The following KLHL1 variants were observed in gnomAD, a reference collection of about 807,000 sequenced individuals.
The protein encoded by KLHL1 is kelch like family member 1.
A neutral mutation model predicts 77.7 loss-of-function variants in KLHL1; 47 were observed. That is an observed-to-expected ratio of 0.60 (90% CI 0.48 to 0.77). KLHL1 has a LOEUF of 0.77. KLHL1 is among the 30% of genes least tolerant of loss of function. The pLI, the probability that KLHL1 is intolerant of heterozygous loss-of-function variation, is 0.00. For missense variants in KLHL1, 925 were observed against 910.8 expected, an observed-to-expected ratio of 1.02 and a Z score of -0.20; for synonymous variants, 360 against 325.2, an observed-to-expected ratio of 1.11 and a Z score of -1.15.
chr13:69,742,170 C>T (rs1372126607), intron 7 of KLHL1, among the ~76,000 whole-genome samples: 3 of 152,052 alleles, frequency 2.0e-5, no homozygotes, highest in Admixed American at 2.0e-4. Context: ...CCTGTACATG[C>T]AGTAGATTGT....
chr13:69,742,463 T>A (rs994200776), intron 7 of KLHL1, among the ~76,000 whole-genome samples: 1 of 152,198 alleles, frequency 6.6e-6, no homozygotes, highest in Non-Finnish European at 1.5e-5. Flanking sequence ...ACTCATTTAT[T>A]CATTCATTCA....
At chr13:69,870,523 T>C (rs1235175080) in intron 5 of KLHL1, among the ~76,000 whole-genome samples, 1 of 151,950 alleles carries the variant, frequency 6.6e-6, no homozygotes, top group African/African-American at 2.4e-5. Flanking sequence ...CAAAATATCA[T>C]CATGCCACCC....
At chr13:69,847,762 T>C (rs1213483723) in intron 5 of KLHL1, among the ~76,000 whole-genome samples, 4 of 151,476 alleles carry the variant, frequency 2.6e-5, no homozygotes, top group Admixed American at 1.3e-4. Flanking sequence ...AGAATTTGAA[T>C]CTATAAAACA....
chr13:69,959,037 T>C (rs1053493905), intron 3 of KLHL1, among the ~76,000 whole-genome samples: 11 of 152,048 alleles, frequency 7.2e-5, no homozygotes, highest in Non-Finnish European at 1.3e-4. Flanking sequence ...GATAAATATT[T>C]TCCTCATCTA....
chr13:69,994,430 T>A (rs1471840095), intron 1 of KLHL1, among the ~76,000 whole-genome samples: 2 of 152,112 alleles, frequency 1.3e-5, no homozygotes, highest in Non-Finnish European at 2.9e-5. Flanking sequence ...ACCAGGATTT[T>A]ACCAGGAGCA....
intron 4 of KLHL1, among the ~76,000 whole-genome samples, chr13:69,928,801 C>T (rs564322948): frequency 3.9e-5 from 6 of 152,002 alleles, no homozygotes; most frequent in East Asian, 1.9e-4. Context: ...GGTATCTTGG[C>T]GAGGTGATTG....
intron 1 of KLHL1, among the ~76,000 whole-genome samples, chr13:70,010,609 AG>A (rs2137337337): frequency 6.6e-6 from 1 of 152,176 alleles, no homozygotes; most frequent in Non-Finnish European, 1.5e-5. Context: ...ACAAGAGTTC[AG>A]GCTGGGTGTG....
rs1286313658 is a variant in KLHL1 at position 69,749,693 on chromosome 13, G to A, written c.1640-9137C>T. Among the ~76,000 whole-genome samples, 4 of 152,028 alleles carry A rather than the reference G, an allele frequency of 2.6e-5. No individual in the cohort carries two copies. In the East Asian group the frequency reaches 7.7e-4, roughly 29 times the overall value. On this transcript the variant is annotated intron_variant, in intron 7 of 10. Transcript: ENST00000377844. Reference sequence around the variant, plus strand: ...CTTCGAATATGGAGAAGGAATTGAAGAAGATAATCTGTCTATACAGATCAT... The same window carrying A: ...CTTCGAATATGGAGAAGGAATTGAAAAAGATAATCTGTCTATACAGATCAT...
intron 5 of KLHL1, among the ~76,000 whole-genome samples, chr13:69,850,116 G>A (rs1439494533): frequency 6.6e-6 from 1 of 151,354 alleles, no homozygotes; most frequent in East Asian, 2.0e-4. Flanking sequence ...ATCACTGCAA[G>A]GTGATTTGAC....
intron 1 of KLHL1, among the ~76,000 whole-genome samples, chr13:70,008,703 A>G (rs947739725): frequency 1.3e-5 from 2 of 152,078 alleles, no homozygotes; most frequent in African/African-American, 4.8e-5. Context: ...ACAATTGATC[A>G]TTTATATTTT....
intron 9 of KLHL1, among the ~76,000 whole-genome samples, chr13:69,716,863 C>T (rs1477114809): frequency 6.6e-6 from 1 of 152,032 alleles, no homozygotes; most frequent in Non-Finnish European, 1.5e-5. Flanking sequence ...TGTTCTTTGC[C>T]GAATAGATGA....
chr13:70,046,229 A>C (rs1044714208), intron 1 of KLHL1, among the ~76,000 whole-genome samples: 5 of 152,176 alleles, frequency 3.3e-5, no homozygotes, highest in African/African-American at 1.2e-4. Flanking sequence ...GAAAAAAAAA[A>C]ATGTCATAAA....
At chr13:70,004,476 A>G (rs1487865340) in intron 1 of KLHL1, among the ~76,000 whole-genome samples, 1 of 151,570 alleles carries the variant, frequency 6.6e-6, no homozygotes. Context: ...AGCAATTGCA[A>G]TCTAATTGGA....
chr13:69,709,425 C>T (rs1482683074), intron 9 of KLHL1, among the ~76,000 whole-genome samples: 1 of 151,816 alleles, frequency 6.6e-6, no homozygotes, highest in Admixed American at 6.6e-5. Context: ...TAACCAATAG[C>T]AAAAGATAAA....
At chr13:69,975,507 AAAAAAAT>A in intron 2 of KLHL1, 106 bp downstream of exon 2, 2 of 375,142 alleles carry the variant, frequency 5.3e-6, no homozygotes, top group African/African-American at 3.9e-5. Context: ...CAAAAAACTT[AAAAAAAT>A]GTGAATCCTT....
chr13:69,727,486 T>C (rs566543878), intron 8 of KLHL1, among the ~76,000 whole-genome samples: 3 of 152,102 alleles, frequency 2.0e-5, no homozygotes, highest in Admixed American at 6.6e-5. Flanking sequence ...GTGTGGACAA[T>C]CTAGGTAGGT....
chr13:70,108,132 C>T lies in KLHL1; in HGVS notation c.-433G>A, dbSNP rs1888123326. 2.5e-6 allele frequency: 1 copy of T among 404,040 alleles called. No homozygotes were observed. The highest frequency in any genetic ancestry group is 4.4e-6 in the Non-Finnish European group (1 of 229,538). 25.0% of individuals were successfully genotyped at this position (404,040 alleles called of 1,614,324 possible). ...CACTGGGATGCGCTTGTGGCAGAGC[C>T]TTAGTAGGGAAGGTGGTGGCGTTCT... On this transcript the variant is annotated 5_prime_UTR_variant, in exon 1 of 11. Transcript: ENST00000377844.
chr13:69,888,636 G>C (rs1015757618), intron 4 of KLHL1, among the ~76,000 whole-genome samples: 1 of 152,184 alleles, frequency 6.6e-6, no homozygotes, highest in African/African-American at 2.4e-5. Flanking sequence ...AGCAAGAAAG[G>C]ATTCTTCCCC....
chr13:69,902,664 C>A (rs1269101834), intron 4 of KLHL1, among the ~76,000 whole-genome samples: 1 of 149,446 alleles, frequency 6.7e-6, no homozygotes, highest in Non-Finnish European at 1.5e-5. Flanking sequence ...GGACAAAAAC[C>A]AAACACCACA....
Sources: gnomAD v4.1 joint callset for allele counts (sites outside exome capture counted in the v4.1 genomes callset) on GRCh38, gnomAD v4.1.1 for gene constraint, MANE v1.5 for transcripts, NCBI Gene and HGNC (gene_info 2026-07-23, HGNC 2026-07-21) for gene names.